OSBPL10: variants seen among roughly 807,000 people sequenced by gnomAD.
OSBPL10 encodes the protein oxysterol binding protein like 10.
OSBPL10 carries 49 observed loss-of-function variants against 81.7 expected under a neutral mutation model. The observed-to-expected ratio is 0.60, with a 90% CI of 0.48 to 0.76. OSBPL10 has a LOEUF of 0.76. Ranked by LOEUF, OSBPL10 falls within the 30% of genes least tolerant of loss-of-function variation. OSBPL10 has a pLI of 0.00. For synonymous variants in OSBPL10, 419 were observed against 383.6 expected, an observed-to-expected ratio of 1.09 and a Z score of -1.08; for missense variants, 923 against 987.8, an observed-to-expected ratio of 0.93 and a Z score of 0.88.
chr3:31,723,158 G>A (rs1696702511), intron 6 of OSBPL10, among the ~76,000 whole-genome samples: 1 of 152,218 alleles, frequency 6.6e-6, no homozygotes, highest in South Asian at 2.1e-4. Flanking sequence ...AGAACTTTAT[G>A]TGACATGAGG....
intron 1 of OSBPL10, among the ~76,000 whole-genome samples, chr3:31,924,216 CT>C (rs1697001832): frequency 1.8e-5 from 2 of 111,078 alleles, no homozygotes; most frequent in South Asian, 7.1e-4. Context: ...AAGACTTCAT[CT>C]AAAAAAAAAA....
chr3:31,751,325 C>T (rs1018752663), intron 4 of OSBPL10, among the ~76,000 whole-genome samples: 4 of 151,784 alleles, frequency 2.6e-5, no homozygotes, highest in Non-Finnish European at 2.9e-5. Context: ...CCAGTCTGGG[C>T]GACAGAGTGA....
At chr3:31,717,376 G>C (rs1164873019) in intron 6 of OSBPL10, among the ~76,000 whole-genome samples, 1 of 152,080 alleles carries the variant, frequency 6.6e-6, no homozygotes, top group Non-Finnish European at 1.5e-5. Context: ...CCAAAGCTCA[G>C]GTCTTATTCT....
chr3:31,675,050 G>A (rs1054121017), intron 8 of OSBPL10, among the ~76,000 whole-genome samples: 1 of 152,180 alleles, frequency 6.6e-6, no homozygotes, highest in African/African-American at 2.4e-5. Context: ...AAGCCAAGGA[G>A]CATCTCTACT....
At chr3:31,938,817 A>G (rs1697455822) in intron 1 of OSBPL10, among the ~76,000 whole-genome samples, 1 of 152,042 alleles carries the variant, frequency 6.6e-6, no homozygotes, top group Non-Finnish European at 1.5e-5. Flanking sequence ...AACCTCCTCG[A>G]CTTTGCCCAA....
intron 11 of OSBPL10, 117 bp downstream of exon 11, chr3:31,663,962 A>T (rs1445497095): frequency 8.7e-6 from 14 of 1,608,900 alleles, no homozygotes; most frequent in Non-Finnish European, 1.2e-5. Context: ...GCCCTAGTCC[A>T]TCCCTTCCCC....
chr3:31,767,829 G>T (rs929796642), intron 4 of OSBPL10, among the ~76,000 whole-genome samples: 1 of 152,136 alleles, frequency 6.6e-6, no homozygotes, highest in African/African-American at 2.4e-5. Context: ...CAGTAGTCGG[G>T]GCTGTCACAA....
At chr3:31,936,213 CT>C (rs1467631339) in intron 1 of OSBPL10, among the ~76,000 whole-genome samples, 1 of 152,030 alleles carries the variant, frequency 6.6e-6, no homozygotes, top group African/African-American at 2.4e-5. Context: ...TTTTTGTTTT[CT>C]TTTTATTCTC....
intron 1 of OSBPL10, among the ~76,000 whole-genome samples, chr3:32,053,534 T>G (rs968085785): frequency 1.3e-5 from 2 of 152,250 alleles, no homozygotes; most frequent in African/African-American, 2.4e-5. Flanking sequence ...CAAAGGTTTA[T>G]GAGGCTCTTA....
At chr3:31,706,416 C>G (rs188682860) in intron 6 of OSBPL10, among the ~76,000 whole-genome samples, 2 of 152,162 alleles carry the variant, frequency 1.3e-5, no homozygotes, top group African/African-American at 4.8e-5. Context: ...GACCTCCAGC[C>G]TCTTGAGGAC....
intron 3 of OSBPL10, among the ~76,000 whole-genome samples, chr3:31,867,030 A>G (rs558804069): frequency 1.1e-3 from 171 of 152,294 alleles, no homozygotes; most frequent in Non-Finnish European, 1.8e-3. Flanking sequence ...TAAAATTTGT[A>G]TTTTAATTTA....
intron 1 of OSBPL10, among the ~76,000 whole-genome samples, chr3:31,946,171 G>A (rs975350811): frequency 9.2e-5 from 14 of 152,094 alleles, no homozygotes; most frequent in African/African-American, 3.4e-4. Context: ...AGTAGAGACA[G>A]GGTTTCACCA....
At chr3:31,771,785 G>A (rs556568931) in intron 4 of OSBPL10, among the ~76,000 whole-genome samples, 11 of 152,254 alleles carry the variant, frequency 7.2e-5, no homozygotes, top group South Asian at 2.1e-4. Flanking sequence ...GGAAAACTTC[G>A]TAATTTTGAG....
intron 3 of OSBPL10, among the ~76,000 whole-genome samples, chr3:31,867,278 C>A (rs549831769): frequency 1.3e-5 from 2 of 152,220 alleles, no homozygotes; most frequent in Non-Finnish European, 2.9e-5. Flanking sequence ...ATTTCTAATG[C>A]GATGAGTATC....
chr3:31,718,192 A>G (rs1696515907), intron 6 of OSBPL10: 1 of 151,718 alleles, frequency 6.6e-6, no homozygotes, highest in South Asian at 2.1e-4. Flanking sequence ...CAGTGGCGCG[A>G]TCTCGGCTCA....
intron 4 of OSBPL10, among the ~76,000 whole-genome samples, chr3:31,775,721 G>A (rs750937796): frequency 2.6e-5 from 4 of 152,224 alleles, no homozygotes; most frequent in Non-Finnish European, 5.9e-5. Flanking sequence ...AGACTCAAAG[G>A]TAGATGCCTG....
chr3:31,682,219 C>T (rs1400857928), intron 8 of OSBPL10, among the ~76,000 whole-genome samples: 5 of 151,260 alleles, frequency 3.3e-5, no homozygotes, highest in Non-Finnish European at 5.9e-5. Context: ...CCATTACCCC[C>T]GCCCAGGGTC....
At chr3:31,843,071 G>A (rs1700539520) in intron 3 of OSBPL10, among the ~76,000 whole-genome samples, 1 of 152,206 alleles carries the variant, frequency 6.6e-6, no homozygotes. Context: ...ACTCCTGGCT[G>A]CTGAGCCAAC....
chr3:31,714,339 G>A (rs527378021), intron 6 of OSBPL10, among the ~76,000 whole-genome samples: 8 of 152,246 alleles, frequency 5.3e-5, no homozygotes, highest in African/African-American at 1.2e-4. Flanking sequence ...GCTGGGTTTC[G>A]AGTTCCCGTA....
Sources: gnomAD v4.1 joint callset for allele counts (sites outside exome capture counted in the v4.1 genomes callset) on GRCh38, gnomAD v4.1.1 for gene constraint, MANE v1.5 for transcripts, NCBI Gene and HGNC (gene_info 2026-07-23, HGNC 2026-07-21) for gene names.